RPS6KA2: variants seen among roughly 807,000 people sequenced by gnomAD.
RPS6KA2 encodes the protein ribosomal protein S6 kinase A2.
Under a neutral mutation model 91.8 loss-of-function variants are expected in RPS6KA2, and 42 were observed. That is an observed-to-expected ratio of 0.46 (90% CI 0.36 to 0.59). The LOEUF is 0.59. RPS6KA2 is among the 20% of genes least tolerant of loss of function. The pLI is 0.00. For synonymous variants in RPS6KA2, 414 were observed against 393.6 expected, an observed-to-expected ratio of 1.05 and a Z score of -0.61; for missense variants, 798 against 978.5, an observed-to-expected ratio of 0.82 and a Z score of 2.46.
rs541907790 is a variant in RPS6KA2, at chr6:166,473,284, G to A, written c.908-3379C>T. 2.0e-5 allele frequency among the ~76,000 whole-genome samples: 3 copies of A among 152,084 alleles called. No individual in the cohort carries two copies. In the South Asian group the frequency reaches 6.2e-4, roughly 32 times the overall value. Reference sequence around the variant, plus strand: ...TGACTCACTGCAGCCTCGATTTCCTGGGCTCAGGTGATCCTCCCAGCTCAG... The same window carrying A: ...TGACTCACTGCAGCCTCGATTTCCTAGGCTCAGGTGATCCTCCCAGCTCAG... On this transcript the variant is annotated intron_variant, in intron 10 of 20. Transcript: ENST00000265678.
At chr6:166,826,776 G>C (rs1246083934) in intron 2 of RPS6KA2, among the ~76,000 whole-genome samples, 1 of 152,130 alleles carries the variant, frequency 6.6e-6, no homozygotes, top group Non-Finnish European at 1.5e-5. Context: ...ACTAGATTTA[G>C]TATAGGGCTT....
chr6:166,442,211 C>CT lies in RPS6KA2; in HGVS notation c.1332+6512dup, dbSNP rs1429261295. ...CCAGCTATTCTGAAGCCCAGCCTTA[C>CT]TGCCCAGCCCCATCTGCTCTGAATA... On this transcript the variant is annotated intron_variant, in intron 14 of 20. Coordinates refer to ENST00000265678, the MANE Select transcript of RPS6KA2 (RefSeq NM_021135.6). 2.0e-5 allele frequency among the ~76,000 whole-genome samples: 3 copies of CT among 152,358 alleles called. No homozygotes were observed. In the East Asian group the frequency reaches 5.8e-4, roughly 29 times the overall value.
intron 2 of RPS6KA2, among the ~76,000 whole-genome samples, chr6:166,684,814 T>C (rs1328874292): frequency 4.6e-5 from 7 of 152,242 alleles, no homozygotes; most frequent in Admixed American, 4.6e-4. Context: ...TGATTTGTTT[T>C]CTAAGAAAAA....
At chr6:166,795,150 A>G (rs9457216) in intron 2 of RPS6KA2, among the ~76,000 whole-genome samples, 55,891 of 152,014 alleles carry the variant, frequency 0.37, 11,396 homozygotes, top group African/African-American at 0.54. Flanking sequence ...AAAGAAATAC[A>G]CATTATGTGG....
At chr6:166,602,547 C>A (rs779230292) in intron 1 of RPS6KA2, among the ~76,000 whole-genome samples, 1 of 152,176 alleles carries the variant, frequency 6.6e-6, no homozygotes, top group African/African-American at 2.4e-5. Flanking sequence ...AGGAACCAAG[C>A]GCTACCCATC....
In RPS6KA2 at chr6:166,852,943, C is replaced by T. The variant is rs1012748582; in HGVS notation, c.123+5257G>A. The stretch of plus-strand genomic sequence containing the variant: ...AAATGCACCTGCCCTGCCCCCTCGC[C>T]CGGATACTTTCTATTCTGCTATGAA... On this transcript the variant is annotated intron_variant, in intron 2 of 21. Transcript: ENST00000503859. This position sits in a 1 kb window ranked among gnomAD's most constrained non-coding sequence, Gnocchi z 4.1. Among the ~76,000 whole-genome samples, 1 of 152,138 alleles carries T rather than the reference C, an allele frequency of 6.6e-6. No homozygotes were observed. The highest frequency in any genetic ancestry group is 1.5e-5 in the Non-Finnish European group (1 of 68,032).
chr6:166,547,637 G>C (rs1372385280), intron 1 of RPS6KA2, among the ~76,000 whole-genome samples: 1 of 152,276 alleles, frequency 6.6e-6, no homozygotes, highest in Non-Finnish European at 1.5e-5. Flanking sequence ...GATGGCGGCA[G>C]CCGCTTAACC....
At chr6:166,578,221 G>A (rs1049406219) in intron 1 of RPS6KA2, among the ~76,000 whole-genome samples, 9 of 152,172 alleles carry the variant, frequency 5.9e-5, no homozygotes, top group East Asian at 1.9e-4. Flanking sequence ...GCTGGGCAAC[G>A]TGTTCCTTCC....
chr6:166,702,182 G>T, intron 2 of RPS6KA2: 1 of 1,602,282 alleles, frequency 6.2e-7, no homozygotes, highest in Admixed American at 1.7e-5. Context: ...CCGAATGGTG[G>T]CACCTTCTTT....
In RPS6KA2 at chr6:166,508,061, ACT is replaced by A. The variant is rs1470362958; in HGVS notation, c.459+140_459+141del. ...CTCCCACACACGCACTCTTGCACAC[ACT>A]CACACATGCACACACCCCCACACAC... is the stretch of plus-strand genomic sequence containing the variant. On this transcript the variant is annotated intron_variant, in intron 5 of 20. Coordinates refer to ENST00000265678, the MANE Select transcript of RPS6KA2 (RefSeq NM_021135.6). This position sits in a 1 kb window ranked among gnomAD's most constrained non-coding sequence, Gnocchi z 4.3. 1.7e-5 allele frequency: 10 copies of A among 579,778 alleles called. No homozygotes were observed. Among genetic ancestry groups the A allele is most frequent in the African/African-American group, 1.7e-4 (8 of 47,402 alleles). 35.9% of individuals were successfully genotyped at this position (579,778 alleles called of 1,614,324 possible). A position where few individuals can be genotyped will look rare whatever the true frequency, so the allele number is the denominator to read the frequency against.
intron 1 of RPS6KA2, among the ~76,000 whole-genome samples, chr6:166,596,291 C>A (rs1345666964): frequency 6.6e-6 from 1 of 152,148 alleles, no homozygotes; most frequent in Non-Finnish European, 1.5e-5. Flanking sequence ...TTGAAGGATG[C>A]AAAGTATTGT....
intron 2 of RPS6KA2, among the ~76,000 whole-genome samples, chr6:166,844,041 G>A (rs1780551481): frequency 6.6e-6 from 1 of 151,102 alleles, no homozygotes; most frequent in South Asian, 2.1e-4. Flanking sequence ...CAAAATGAAA[G>A]GAAAATTCTT....
chr6:166,682,937 A>C (rs1788878969), intron 2 of RPS6KA2, among the ~76,000 whole-genome samples: 1 of 152,192 alleles, frequency 6.6e-6, no homozygotes, highest in South Asian at 2.1e-4. Context: ...GACCCAAACC[A>C]ATGAGTTGAA....
intron 2 of RPS6KA2, among the ~76,000 whole-genome samples, chr6:166,822,919 G>C (rs1779939598): frequency 6.6e-6 from 1 of 152,202 alleles, no homozygotes; most frequent in Admixed American, 6.5e-5. Context: ...TTTCTTGGTA[G>C]AATGACAAGT....
intron 2 of RPS6KA2, among the ~76,000 whole-genome samples, chr6:166,694,110 C>T (rs1789291810): frequency 6.6e-6 from 1 of 152,224 alleles, no homozygotes; most frequent in Non-Finnish European, 1.5e-5. Context: ...GCTCGCTGCC[C>T]TTATATCTCC....
intron 2 of RPS6KA2, among the ~76,000 whole-genome samples, chr6:166,633,509 T>A (rs1162300749): frequency 6.6e-6 from 1 of 152,204 alleles, no homozygotes; most frequent in Admixed American, 6.5e-5. Context: ...AAATAAATCT[T>A]CTCGTTGAGC....
intron 8 of RPS6KA2, 34 bp downstream of exon 8, chr6:166,498,474 G>A (rs565877666): frequency 3.1e-5 from 49 of 1,577,220 alleles, no homozygotes; most frequent in South Asian, 1.1e-4. Flanking sequence ...GGGAACAGCC[G>A]CCATGGCACA....
At position 166,512,631 on chromosome 6, in the gene RPS6KA2, T is replaced by A. The variant is rs1335812544; in HGVS notation, c.299-2274A>T. Among the ~76,000 whole-genome samples the A allele has an allele frequency of 2.6e-5, 4 of 152,278 alleles. No homozygotes were observed. In the East Asian group the frequency reaches 7.7e-4, roughly 29 times the overall value. Reference sequence around the variant, plus strand: ...CTTTCCCGTTTGGTCTGTAATACTGTCTCCGGGGGCCCAGGTGGTGACCGT... The same window carrying A: ...CTTTCCCGTTTGGTCTGTAATACTGACTCCGGGGGCCCAGGTGGTGACCGT... On this transcript the variant is annotated intron_variant, in intron 3 of 20. Coordinates refer to ENST00000265678, the MANE Select transcript of RPS6KA2 (RefSeq NM_021135.6).
Position 166,612,300 on chromosome 6 carries a change from T to C in RPS6KA2, c.99+14621A>G, listed in dbSNP as rs1306779721. ...GCAGGTGTGATGGAAGAAAAGAGAC[T>C]GGGACTTGTCCTTTCTGGCTTCTCA... On this transcript the variant is annotated intron_variant, in intron 1 of 20. Coordinates refer to ENST00000265678, the MANE Select transcript of RPS6KA2 (RefSeq NM_021135.6). The surrounding 1 kb of genome is among the most constrained non-coding windows in gnomAD (Gnocchi z 4.3). Among the ~76,000 whole-genome samples the C allele has an allele frequency of 6.6e-6, 1 of 151,990 alleles. No homozygotes were observed. Among genetic ancestry groups the C allele is most frequent in the Non-Finnish European group, 1.5e-5 (1 of 67,980 alleles).
Sources: gnomAD v4.1 joint callset for allele counts (sites outside exome capture counted in the v4.1 genomes callset) on GRCh38, gnomAD v4.1.1 for gene constraint, Gnocchi (gnomAD v3.1) non-coding constraint, MANE v1.5 for transcripts, NCBI Gene and HGNC (gene_info 2026-07-23, HGNC 2026-07-21) for gene names.